Variants in SLCO6A1 observed in about 807,000 individuals in gnomAD.
SLCO6A1 encodes solute carrier organic anion transporter family member 6A1.
In SLCO6A1, 65 loss-of-function variants were observed where a neutral mutation model predicts 72.7. That is an observed-to-expected ratio of 0.89 (90% CI 0.73 to 1.10). The LOEUF (loss-of-function observed/expected upper bound fraction) is 1.10. Among genes scored for constraint, SLCO6A1 ranks in the 50% least tolerant of loss-of-function variants. The pLI is 0.00. For missense variants in SLCO6A1, 874 were observed against 872.6 expected (o/e 1.00, Z -0.02); for synonymous variants, 314 against 298.2 (o/e 1.05, Z -0.55).
chr5:102,495,884 G>C (rs1489759295), intron 1 of SLCO6A1, among the ~76,000 whole-genome samples: 1 of 152,116 alleles, frequency 6.6e-6, no homozygotes, highest in African/African-American at 2.4e-5. Flanking sequence ...TACTCTGTAA[G>C]ACTTTCAAGG....
chr5:102,442,585 T>C lies in SLCO6A1; in HGVS notation c.1132-3824A>G, dbSNP rs78952808. Among the ~76,000 whole-genome samples, 1,025 of 152,350 alleles carry C rather than the reference T, an allele frequency of 6.7e-3. 9 individuals carry two copies. Among genetic ancestry groups the C allele is most frequent in the African/African-American group, 0.023 (975 of 41,582 alleles). ...TTTAGCGTGCCTTGAATTATCTACA[T>C]GGTATAAAACACAGATCGCAGCTCC... On this transcript the variant is annotated intron_variant, in intron 6 of 13. Coordinates refer to ENST00000506729, the MANE Select transcript of SLCO6A1 (RefSeq NM_173488.5).
chr5:102,394,602 T>C (rs573907724), intron 10 of SLCO6A1, among the ~76,000 whole-genome samples: 30 of 152,146 alleles, frequency 2.0e-4, no homozygotes, highest in African/African-American at 7.2e-4. Flanking sequence ...GAATAAGTGA[T>C]TGCACTTCTG....
At chr5:102,415,382 A>G (rs979087947) in intron 8 of SLCO6A1, among the ~76,000 whole-genome samples, 1 of 152,170 alleles carries the variant, frequency 6.6e-6, no homozygotes, top group Non-Finnish European at 1.5e-5. Flanking sequence ...GAAATAGAAC[A>G]GAAAACCCAG....
chr5:102,433,287 T>G (rs976824042), intron 7 of SLCO6A1, among the ~76,000 whole-genome samples: 1 of 152,300 alleles, frequency 6.6e-6, no homozygotes, highest in East Asian at 1.9e-4. Context: ...CTAAGACTGG[T>G]TAAGGACCCT....
intron 6 of SLCO6A1, among the ~76,000 whole-genome samples, chr5:102,456,975 A>C (rs562201487): frequency 4.6e-4 from 70 of 152,328 alleles, no homozygotes; most frequent in African/African-American, 1.7e-3. Flanking sequence ...GATCTTTGAC[A>C]AACCTGAGAA....
At chr5:102,468,541 G>A (rs7716398) in intron 4 of SLCO6A1, among the ~76,000 whole-genome samples, 34,865 of 151,832 alleles carry the variant, frequency 0.23, 4,636 homozygotes, top group South Asian at 0.34. Context: ...ATTTAGGATT[G>A]TGACATTTTC....
intron 4 of SLCO6A1, among the ~76,000 whole-genome samples, chr5:102,462,003 GA>G (rs1751063307): frequency 6.6e-6 from 1 of 152,030 alleles, no homozygotes; most frequent in African/African-American, 2.4e-5. Context: ...AAATCTCCAA[GA>G]ACTGATGAAT....
intron 1 of SLCO6A1, among the ~76,000 whole-genome samples, chr5:102,486,491 T>C (rs975986860): frequency 6.6e-6 from 1 of 152,042 alleles, no homozygotes; most frequent in Non-Finnish European, 1.5e-5. Flanking sequence ...AATTTATTTA[T>C]AAAACAGTTC....
intron 7 of SLCO6A1, among the ~76,000 whole-genome samples, chr5:102,427,862 ATATTTTTTT>A (rs1423994620): frequency 0.057 from 5,840 of 102,380 alleles, 98 homozygotes; most frequent in African/African-American, 0.11. Context: ...ATATATATAT[ATATTTTTTT>A]TTTTTTTTTT....
At chr5:102,388,970 G>T in intron 11 of SLCO6A1, 145 bp from the exon 12 acceptor site, 1 of 744,974 alleles carries the variant, frequency 1.3e-6, no homozygotes, top group Non-Finnish European at 2.0e-6. Flanking sequence ...TTTATAAATA[G>T]GATTGTTAAT....
intron 12 of SLCO6A1, among the ~76,000 whole-genome samples, chr5:102,381,564 T>G (rs760594465): frequency 4.0e-5 from 6 of 151,784 alleles, no homozygotes; most frequent in Non-Finnish European, 8.9e-5. Context: ...TTAAACATAT[T>G]GATTTCATTA....
chr5:102,413,547 C>T (rs1057170025), intron 8 of SLCO6A1, among the ~76,000 whole-genome samples: 18 of 152,086 alleles, frequency 1.2e-4, no homozygotes, highest in East Asian at 3.9e-4. Context: ...TAGAATATGT[C>T]TGGTTTCTTT....
chr5:102,402,212 A>G (rs1375498777), intron 9 of SLCO6A1, among the ~76,000 whole-genome samples: 1 of 152,158 alleles, frequency 6.6e-6, no homozygotes, highest in Non-Finnish European at 1.5e-5. Context: ...GGGTGCAAAC[A>G]AGATTACCAG....
At chr5:102,481,594 G>A (rs1322055629) in intron 1 of SLCO6A1, among the ~76,000 whole-genome samples, 1 of 152,144 alleles carries the variant, frequency 6.6e-6, no homozygotes, top group East Asian at 1.9e-4. Context: ...ATGGCCAACA[G>A]ACAAATAACT....
At chr5:102,406,941 G>C (rs548908959) in intron 9 of SLCO6A1, among the ~76,000 whole-genome samples, 58 of 152,308 alleles carry the variant, frequency 3.8e-4, no homozygotes, top group African/African-American at 1.3e-3. Flanking sequence ...TATGGAACAG[G>C]AGTAGAAATG....
intron 1 of SLCO6A1, among the ~76,000 whole-genome samples, chr5:102,487,885 T>C (rs6870563): frequency 0.031 from 4,651 of 152,282 alleles, 177 homozygotes; most frequent in African/African-American, 0.094. Flanking sequence ...AAGAATTGTG[T>C]TCAGCACACA....
intron 12 of SLCO6A1, among the ~76,000 whole-genome samples, chr5:102,382,168 A>T (rs1207195524): frequency 6.6e-6 from 1 of 151,596 alleles, no homozygotes; most frequent in Non-Finnish European, 1.5e-5. Flanking sequence ...TTTTGAATTG[A>T]TTTTTGTATA....
intron 4 of SLCO6A1, among the ~76,000 whole-genome samples, chr5:102,468,364 T>C (rs1248006397): frequency 6.6e-6 from 1 of 152,046 alleles, no homozygotes; most frequent in Non-Finnish European, 1.5e-5. Context: ...CTAGGGTATA[T>C]TTTAAGTCCA....
chr5:102,495,323 G>A (rs1166725873), intron 1 of SLCO6A1, among the ~76,000 whole-genome samples: 2 of 152,224 alleles, frequency 1.3e-5, no homozygotes, highest in Non-Finnish European at 2.9e-5. Context: ...GCTGGGCATG[G>A]TGGCTTATGC....
Sources: allele counts gnomAD v4.1 joint callset (sites outside exome capture counted in the v4.1 genomes callset), GRCh38; gene constraint gnomAD v4.1.1; transcripts MANE v1.5; gene names NCBI Gene and HGNC (gene_info 2026-07-23, HGNC 2026-07-21).